Variants in FUS observed in about 807,000 individuals in gnomAD.
FUS encodes RNA-binding protein FUS.
In FUS, 5 loss-of-function variants were observed where a neutral mutation model predicts 82.7. The ratio of observed to expected loss-of-function variants is 0.06; its 90% CI spans 0.03 to 0.13. The LOEUF is 0.13. Among genes scored for constraint, FUS ranks in the 10% least tolerant of loss-of-function variants. FUS has a pLI of 1.00. For synonymous variants in FUS, 281 were observed against 247.4 expected, an observed-to-expected ratio of 1.14 and a Z score of -1.27; for missense variants, 512 against 707.8, an observed-to-expected ratio of 0.72 and a Z score of 3.14.
chr16:31,180,301 G>T, intron 1 of FUS, 74 bp downstream of exon 1: 1 of 1,548,892 alleles, frequency 6.5e-7, no homozygotes, highest in South Asian at 1.2e-5. Flanking sequence ...CGTTTTCAGT[G>T]GGACCGGGGC....
intron 6 of FUS, chr16:31,186,487 CAA>C (rs1319234938): frequency 1.3e-5 from 6 of 471,034 alleles, no homozygotes; most frequent in South Asian, 4.6e-5. Flanking sequence ...CCACTTGCGA[CAA>C]GAGGAAAAAA....
rs2144135198 is a variant in FUS, at chr16:31,190,258, T to C, written c.1169-17T>C. ...CTTGGAGAGGGAGCAGACCCATACT[T>C]GGTCTATCTGCATTAGGACCCATGG... On this transcript the variant is annotated splice_polypyrimidine_tract_variant and intron_variant, in intron 11 of 14. Coordinates refer to ENST00000254108, the MANE Select transcript of FUS (RefSeq NM_004960.4). The C allele has an allele frequency of 6.2e-7, 1 of 1,614,096 alleles. No homozygotes were observed. The highest frequency in any genetic ancestry group is 2.2e-5 in the East Asian group (1 of 44,876).
In FUS at chr16:31,191,020, A is replaced by C; in HGVS notation, c.1451A>C (p.Tyr484Ser). 6.2e-7 allele frequency: 1 copy of C among 1,613,762 alleles called. No homozygotes were observed. Among genetic ancestry groups the C allele is most frequent in the Non-Finnish European group, 8.5e-7 (1 of 1,179,938 alleles). ...AGAGGAGGCTATGATCGAGGCGGCTACCGGGGCCGCGGCGGGGACCGTGGA... is the reference window on the plus strand; with the variant it reads ...AGAGGAGGCTATGATCGAGGCGGCTCCCGGGGCCGCGGCGGGGACCGTGGA... ...GGRGGYDRGG[Y>S]RGRGGDRGGF... Residue 484 changes from tyrosine (Y) to serine (S), a missense_variant, in exon 14 of 15, where the codon TAC (tyrosine) becomes TCC (serine). Physicochemically the swap from Tyr to Ser is moderately radical, Grantham distance 144. This residue lies in a region of FUS where 96 missense variants were observed against 120.7 expected (regional missense o/e 0.80). Coordinates refer to ENST00000254108, the MANE Select transcript of FUS (RefSeq NM_004960.4).
At chr16:31,190,503 A>C in intron 12 of FUS, 105 bp downstream of exon 12, 1 of 1,548,362 alleles carries the variant, frequency 6.5e-7, no homozygotes. Context: ...TGTCAAGGCC[A>C]CACTGTTGGG....
chr16:31,186,876 A>G (rs747784651), intron 7 of FUS, 40 bp downstream of exon 7: 15 of 1,574,356 alleles, frequency 9.5e-6, no homozygotes, highest in South Asian at 7.8e-5. Context: ...ACTCCCAGCA[A>G]TGCTTTGTCT....
chr16:31,188,289 G>GTTT (rs759867403), intron 7 of FUS, 36 bp from the exon 8 acceptor site: 4 of 1,388,014 alleles, frequency 2.9e-6, no homozygotes, highest in Admixed American at 1.9e-5. Flanking sequence ...CCTTGTTTTT[G>GTTT]TTTTTTTTTT....
chr16:31,180,277 C>A (rs1415499334), intron 1 of FUS, 50 bp downstream of exon 1: 1 of 1,582,898 alleles, frequency 6.3e-7, no homozygotes, highest in East Asian at 2.3e-5. Context: ...CCGAGGCCTC[C>A]CAGCTGGGCT....
chr16:31,191,328 G>A, intron 14 of FUS, 71 bp from the exon 15 acceptor site: 2 of 1,587,958 alleles, frequency 1.3e-6, no homozygotes, highest in Admixed American at 1.7e-5. Context: ...GGGGCAGATA[G>A]GATATCTAGG....
chr16:31,190,674 T>G, intron 12 of FUS, 68 bp from the exon 13 acceptor site: 3 of 1,436,248 alleles, frequency 2.1e-6, no homozygotes, highest in Non-Finnish European at 2.9e-6. Flanking sequence ...GTCACCGTAG[T>G]TTCTTCCTAG....
rs539465625 is a variant in FUS at position 31,185,330 on chromosome 16, T to G, written c.764+151T>G. On this transcript the variant is annotated intron_variant, in intron 6 of 14. Coordinates refer to ENST00000254108, the MANE Select transcript of FUS (RefSeq NM_004960.4). Reference sequence around the variant, plus strand: ...GATTTGGGGGCAGTGACTTTCTTTTTACATCCCCATTTTATTTTTGTGAGA... The same window carrying G: ...GATTTGGGGGCAGTGACTTTCTTTTGACATCCCCATTTTATTTTTGTGAGA... The G allele has an allele frequency of 1.3e-5, 12 of 912,758 alleles. No homozygotes were observed. The East Asian group carries it at 2.7e-4, about 20-fold the overall frequency. 56.5% of individuals were successfully genotyped at this position (912,758 alleles called of 1,614,324 possible). A position where few individuals can be genotyped will look rare whatever the true frequency, so the allele number is the denominator to read the frequency against.
At chr16:31,191,239 G>A (rs1269846323) in intron 14 of FUS, 129 bp downstream of exon 14, 1 of 1,475,190 alleles carries the variant, frequency 6.8e-7, no homozygotes, top group Admixed American at 1.8e-5. Context: ...ACCAGTAGTG[G>A]AGAGGGAAGG....
chr16:31,188,214 G>C, intron 7 of FUS, 111 bp from the exon 8 acceptor site: 1 of 1,145,682 alleles, frequency 8.7e-7, no homozygotes, highest in South Asian at 1.3e-5. Flanking sequence ...TATTTTACAA[G>C]TTTGGATTTG....
chr16:31,182,901 A>C, intron 3 of FUS: 1 of 507,278 alleles, frequency 2.0e-6, no homozygotes, highest in Non-Finnish European at 3.6e-6. Flanking sequence ...TTTTTAGTAG[A>C]GATGGGGTTT....
chr16:31,188,975 G>T, intron 8 of FUS, 148 bp from the exon 9 acceptor site: 1 of 693,320 alleles, frequency 1.4e-6, no homozygotes, highest in Admixed American at 2.2e-5. Context: ...TGGCATATAG[G>T]GACTCAAAAG....
chr16:31,180,157 C>T lies in FUS; in HGVS notation c.-58C>T, dbSNP rs142684066. On this transcript the variant is annotated 5_prime_UTR_variant, in exon 1 of 15. Transcript: ENST00000254108. ...CGGGGCTGCTCAGTCCTCCAGGCGT[C>T]GGTACTCAGCGGTGTTGGAACTTCG... 142 of 1,595,412 alleles carry T rather than the reference C, an allele frequency of 8.9e-5. 1 individual carries two copies. The highest frequency in any genetic ancestry group is 1.4e-4 in the Admixed American group (8 of 56,826).
chr16:31,185,213 T>C (rs963355152), intron 6 of FUS, 34 bp downstream of exon 6: 3 of 1,579,800 alleles, frequency 1.9e-6, no homozygotes, highest in Non-Finnish European at 2.6e-6. Flanking sequence ...GTATCTTTGG[T>C]GGGGAGTGTG....
At chr16:31,182,227 G>A (rs1329796852) in intron 1 of FUS, 171 bp from the exon 2 acceptor site, 2 of 740,412 alleles carry the variant, frequency 2.7e-6, no homozygotes, top group Non-Finnish European at 4.8e-6. Flanking sequence ...CTGACCTCAA[G>A]TGATCCACCC....
intron 1 of FUS, among the ~76,000 whole-genome samples, chr16:31,181,646 A>G (rs534731475): frequency 1.3e-5 from 2 of 152,304 alleles, no homozygotes; most frequent in Admixed American, 6.5e-5. Context: ...CTGAGAGAGC[A>G]GAGGCCACAA....
chr16:31,184,732 T>C (rs919805916), intron 5 of FUS, among the ~76,000 whole-genome samples: 3 of 151,918 alleles, frequency 2.0e-5, no homozygotes, highest in Non-Finnish European at 4.4e-5. Flanking sequence ...CGTGAGCCAC[T>C]GTGCCTGGTG....
Sources: gnomAD v4.1 joint callset for allele counts (sites outside exome capture counted in the v4.1 genomes callset) on GRCh38, gnomAD v4.1.1 for gene constraint, gnomAD v4.1.1 regional missense constraint, MANE v1.5 for transcripts, NCBI Gene and HGNC (gene_info 2026-07-23, HGNC 2026-07-21) for gene names.